FARS2: variants seen among roughly 807,000 people sequenced by gnomAD.
The protein encoded by FARS2 is phenylalanine--tRNA ligase, mitochondrial.
In FARS2, 40 loss-of-function variants were observed where a neutral mutation model predicts 46.4. The ratio of observed to expected loss-of-function variants is 0.86; its 90% CI spans 0.67 to 1.12. The LOEUF (loss-of-function observed/expected upper bound fraction) is 1.12, where lower values mean the gene tolerates loss of function less well. Ranked by LOEUF, FARS2 falls within the 50% of genes most tolerant of loss-of-function variation. The probability of loss-of-function intolerance (pLI) is 0.00; values close to 1 mark genes in which losing one functional copy is unlikely to be tolerated. For missense variants in FARS2, 513 were observed against 567.9 expected (o/e 0.90, Z 0.98); for synonymous variants, 234 against 214.9 (o/e 1.09, Z -0.78).
intron 1 of FARS2, among the ~76,000 whole-genome samples, chr6:5,356,250 A>G (rs1239760203): frequency 6.6e-6 from 1 of 152,178 alleles, no homozygotes; most frequent in Non-Finnish European, 1.5e-5. Flanking sequence ...GGAGTTCGAG[A>G]CCAGCCTGGC....
intron 1 of FARS2, among the ~76,000 whole-genome samples, chr6:5,280,692 C>CT (rs752085379): frequency 0.025 from 3,608 of 144,060 alleles, 58 homozygotes; most frequent in Non-Finnish European, 0.039. Context: ...CCCAGCCATT[C>CT]TTTTTTTTTT....
chr6:5,683,967 T>C (rs1383895756), intron 6 of FARS2, among the ~76,000 whole-genome samples: 3 of 152,256 alleles, frequency 2.0e-5, no homozygotes, highest in African/African-American at 7.2e-5. Flanking sequence ...TTTTTATGGC[T>C]GCATAGTATT....
At chr6:5,360,985 A>G (rs545165126) in intron 1 of FARS2, among the ~76,000 whole-genome samples, 3 of 152,338 alleles carry the variant, frequency 2.0e-5, no homozygotes, top group African/African-American at 7.2e-5. Flanking sequence ...AGATAGGACA[A>G]TGGTTTTAAA....
rs1762683841 is a variant in FARS2, at chr6:5,765,119, G to A, written c.1218-6172G>A. On this transcript the variant is annotated intron_variant, in intron 6 of 6. Coordinates refer to ENST00000274680, the MANE Select transcript of FARS2 (RefSeq NM_006567.5). The surrounding 1 kb of genome is among the most constrained non-coding windows in gnomAD (Gnocchi z 4.0). ...CTTTGGTCTAGGGGCTCTGGTAGGA[G>A]GCGGCATTGAAATATGCCATCCCCT... Among the ~76,000 whole-genome samples the A allele has an allele frequency of 6.6e-6, 1 of 152,222 alleles. No homozygotes were observed. Among genetic ancestry groups the A allele is most frequent in the Non-Finnish European group, 1.5e-5 (1 of 68,034 alleles).
At chr6:5,574,957 GAA>G (rs35821982) in intron 5 of FARS2, among the ~76,000 whole-genome samples, 1 of 149,988 alleles carries the variant, frequency 6.7e-6, no homozygotes, top group Non-Finnish European at 1.5e-5. Context: ...ACGTTTGATT[GAA>G]AAAAAAAATC....
At chr6:5,514,000 A>G (rs943774539) in intron 4 of FARS2, among the ~76,000 whole-genome samples, 2 of 152,068 alleles carry the variant, frequency 1.3e-5, no homozygotes, top group Admixed American at 1.3e-4. Context: ...GTGTTCTCCC[A>G]TGGTATACAG....
chr6:5,655,190 C>T (rs532471607), intron 6 of FARS2, among the ~76,000 whole-genome samples: 7 of 152,176 alleles, frequency 4.6e-5, no homozygotes, highest in Non-Finnish European at 8.8e-5. Flanking sequence ...CTTTTCTCTC[C>T]TTGAGAAAAA....
At chr6:5,429,782 C>T (rs1446940150) in intron 3 of FARS2, among the ~76,000 whole-genome samples, 1 of 152,132 alleles carries the variant, frequency 6.6e-6, no homozygotes, top group Non-Finnish European at 1.5e-5. Context: ...CACTGCAGTC[C>T]AGCCTGGGTG....
chr6:5,432,417 T>TATATAATATATA (rs529319783), intron 4 of FARS2, among the ~76,000 whole-genome samples: 16 of 122,678 alleles, frequency 1.3e-4, no homozygotes, highest in South Asian at 1.3e-3. Context: ...TTATATATAA[T>TATATAATATATA]ATATAATATA....
At position 5,435,928 on chromosome 6, in the gene FARS2, T is replaced by C. The variant is rs145696700; in HGVS notation, c.904+4756T>C. Among the ~76,000 whole-genome samples the C allele has an allele frequency of 1.2e-3, 186 of 152,340 alleles. 1 individual carries two copies. The highest frequency in any genetic ancestry group is 4.2e-3 in the African/African-American group (176 of 41,574). ...GGGGAAAACCTTATAAATAGGTACA[T>C]GAACAGCTTCCGGTTTTGAAGGATC... On this transcript the variant is annotated intron_variant, in intron 4 of 6. Coordinates refer to ENST00000274680, the MANE Select transcript of FARS2 (RefSeq NM_006567.5).
chr6:5,350,426 T>C (rs896805164), intron 1 of FARS2, among the ~76,000 whole-genome samples: 5 of 152,186 alleles, frequency 3.3e-5, no homozygotes, highest in Non-Finnish European at 5.9e-5. Context: ...CTGATGTTCC[T>C]ATCTGCTATA....
chr6:5,562,140 T>C (rs1772020931), intron 5 of FARS2, among the ~76,000 whole-genome samples: 1 of 152,142 alleles, frequency 6.6e-6, no homozygotes, highest in Non-Finnish European at 1.5e-5. Context: ...TAATTGGTTG[T>C]GTTTCTTCAT....
chr6:5,440,783 C>T (rs1474122586), intron 4 of FARS2, among the ~76,000 whole-genome samples: 4 of 152,214 alleles, frequency 2.6e-5, no homozygotes, highest in African/African-American at 9.6e-5. Flanking sequence ...CCTCAACCTC[C>T]CAAGTAGCTG....
intron 1 of FARS2, among the ~76,000 whole-genome samples, chr6:5,304,537 T>C (rs1317240153): frequency 6.6e-6 from 1 of 152,006 alleles, no homozygotes; most frequent in East Asian, 1.9e-4. Context: ...TCCAGAAGAG[T>C]GGAGGCAATT....
At chr6:5,279,396 A>G (rs1209701894) in intron 1 of FARS2, among the ~76,000 whole-genome samples, 1 of 150,582 alleles carries the variant, frequency 6.6e-6, no homozygotes, top group East Asian at 1.9e-4. Context: ...AAGAAAAAGA[A>G]AAAGAAAAAA....
At chr6:5,423,297 T>G (rs543836808) in intron 3 of FARS2, among the ~76,000 whole-genome samples, 3 of 152,092 alleles carry the variant, frequency 2.0e-5, no homozygotes, top group South Asian at 4.2e-4. Context: ...TCACTTACCC[T>G]GGTGCCTCTG....
chr6:5,469,921 C>G (rs1475282552), intron 4 of FARS2, among the ~76,000 whole-genome samples: 4 of 152,136 alleles, frequency 2.6e-5, no homozygotes, highest in African/African-American at 9.7e-5. Flanking sequence ...AGATACTTAC[C>G]TCTCTGAGTC....
At chr6:5,716,913 C>T (rs1209918862) in intron 6 of FARS2, among the ~76,000 whole-genome samples, 1 of 152,172 alleles carries the variant, frequency 6.6e-6, no homozygotes, top group African/African-American at 2.4e-5. Flanking sequence ...CACCGTTCTC[C>T]CAAAGCTTGT....
chr6:5,388,698 G>C (rs1009783467), intron 2 of FARS2, among the ~76,000 whole-genome samples: 1 of 152,012 alleles, frequency 6.6e-6, no homozygotes, highest in Admixed American at 6.6e-5. Flanking sequence ...ATTCATGAGT[G>C]ATCTAGTATT....
Sources: gnomAD v4.1 joint callset for allele counts (sites outside exome capture counted in the v4.1 genomes callset) on GRCh38, gnomAD v4.1.1 for gene constraint, Gnocchi (gnomAD v3.1) non-coding constraint, MANE v1.5 for transcripts, NCBI Gene and HGNC (gene_info 2026-07-23, HGNC 2026-07-21) for gene names.